The following PCDHA10 variants were observed in gnomAD, a reference collection of about 807,000 sequenced individuals.
PCDHA10 encodes protocadherin alpha-10.
In PCDHA10, 45 loss-of-function variants were observed where a neutral mutation model predicts 61.2. The observed-to-expected ratio is 0.74, with a 90% CI of 0.58 to 0.94. PCDHA10 has a LOEUF of 0.94. Among genes scored for constraint, PCDHA10 ranks in the 40% least tolerant of loss-of-function variants. The probability of loss-of-function intolerance (pLI) is 0.00; values close to 1 mark genes in which losing one functional copy is unlikely to be tolerated. For synonymous variants in PCDHA10, 602 were observed against 548.8 expected (o/e 1.10, Z -1.35); for missense variants, 1,278 against 1,236.2 (o/e 1.03, Z -0.51).
At chr5:140,860,209 G>A (rs1263350528) in intron 1 of PCDHA10, 13 of 147,554 alleles carry the variant, frequency 8.8e-5, no homozygotes, top group Middle Eastern at 7.1e-3. Context: ...ATCTATATAT[G>A]TACTTATGTA....
At chr5:140,918,115 A>G (rs185486488) in intron 1 of PCDHA10, among the ~76,000 whole-genome samples, 14 of 152,198 alleles carry the variant, frequency 9.2e-5, no homozygotes, top group African/African-American at 3.1e-4. Flanking sequence ...CACATCCTTG[A>G]TTAGCCATAT....
chr5:140,957,159 C>G (rs2095337596), intron 1 of PCDHA10, among the ~76,000 whole-genome samples: 1 of 151,974 alleles, frequency 6.6e-6, no homozygotes, highest in Non-Finnish European at 1.5e-5. Flanking sequence ...GGAGACAAAT[C>G]TAAGTATATA....
intron 1 of PCDHA10, chr5:140,876,741 G>C: frequency 6.2e-7 from 1 of 1,614,264 alleles, no homozygotes; most frequent in Non-Finnish European, 8.5e-7. Flanking sequence ...CCTATGAGCT[G>C]GTGGTGACTG....
chr5:140,875,485 G>A (rs367652529), intron 1 of PCDHA10: 13 of 1,611,424 alleles, frequency 8.1e-6, no homozygotes, highest in African/African-American at 1.3e-5. Context: ...GGTGATTATC[G>A]GACCAAGAGG....
chr5:141,005,814 A>G (rs947359019), intron 3 of PCDHA10, among the ~76,000 whole-genome samples: 1 of 149,766 alleles, frequency 6.7e-6, no homozygotes, highest in Non-Finnish European at 1.5e-5. Context: ...GGAGCCAGGT[A>G]TGGTGGCCTG....
At chr5:140,863,350 A>G (rs781880705) in intron 1 of PCDHA10, 2 of 1,296,828 alleles carry the variant, frequency 1.5e-6, no homozygotes, top group Non-Finnish European at 2.1e-6. Flanking sequence ...GCTGTACACG[A>G]CGCTGCGGTG....
At chr5:141,000,415 A>T (rs1462372394) in intron 3 of PCDHA10, among the ~76,000 whole-genome samples, 8 of 87,370 alleles carry the variant, frequency 9.2e-5, no homozygotes, top group African/African-American at 2.5e-4. Flanking sequence ...ATATATATAT[A>T]TATATATTTT....
At position 140,856,768 on chromosome 5, in the gene PCDHA10, C is replaced by T; in HGVS notation, c.720C>T (p.Ile240=). 6.3e-7 allele frequency: 1 copy of T among 1,596,818 alleles called. No individual in the cohort carries two copies. Among genetic ancestry groups the T allele is most frequent in the African/African-American group, 1.3e-5 (1 of 74,248 alleles). Residue 240 remains isoleucine, a synonymous_variant, in exon 1 of 4, where the codon ATC becomes ATT. Coordinates refer to ENST00000307360, the MANE Select transcript of PCDHA10 (RefSeq NM_018901.4). The part of the protein sequence containing the change: ...LVLDANDNAP[I]FDRPVYEVKM... ...TAGATGCCAATGATAACGCCCCTAT[C>T]TTTGACAGACCGGTTTATGAAGTTA...
chr5:140,997,221 T>C (rs2097763900), intron 3 of PCDHA10, among the ~76,000 whole-genome samples: 1 of 152,152 alleles, frequency 6.6e-6, no homozygotes, highest in Admixed American at 6.5e-5. Context: ...GAAACTATCA[T>C]TACCACCCAA....
intron 1 of PCDHA10, chr5:140,929,005 A>G: frequency 6.2e-7 from 1 of 1,614,062 alleles, no homozygotes; most frequent in Non-Finnish European, 8.5e-7. Context: ...CTTCGTGTGT[A>G]CCAAGTTGCA....
intron 3 of PCDHA10, among the ~76,000 whole-genome samples, chr5:140,984,647 G>C (rs1169327185): frequency 6.6e-6 from 1 of 152,102 alleles, no homozygotes; most frequent in Non-Finnish European, 1.5e-5. Flanking sequence ...CCTTCTCCCT[G>C]TCCTTCTGGT....
chr5:140,882,024 G>A lies in PCDHA10; in HGVS notation c.2388+23588G>A, dbSNP rs4151690. On this transcript the variant is annotated intron_variant, in intron 1 of 3. Transcript: ENST00000307360. ...AGGGGCAAAAAAATACTACATCAAT[G>A]GAAAATATGAAGACTGAGTCATACT... is the stretch of plus-strand genomic sequence containing the variant. 118 of 580,388 alleles carry A rather than the reference G, an allele frequency of 2.0e-4. 2 individuals carry two copies. The highest frequency in any genetic ancestry group is 1.6e-3 in the East Asian group (53 of 32,696). The allele number at this position is 580,388 out of a possible 1,614,324, so 36.0% of individuals were successfully genotyped here. A position where few individuals can be genotyped will look rare whatever the true frequency, so the allele number is the denominator to read the frequency against.
intron 1 of PCDHA10, among the ~76,000 whole-genome samples, chr5:140,950,864 A>G (rs1014752748): frequency 1.3e-5 from 2 of 151,930 alleles, no homozygotes; most frequent in Non-Finnish European, 2.9e-5. Context: ...ATTCTTGTAT[A>G]TTCTATATTG....
At chr5:140,924,901 A>AATAAAATAAAAT (rs145282866) in intron 1 of PCDHA10, among the ~76,000 whole-genome samples, 7 of 80,504 alleles carry the variant, frequency 8.7e-5, no homozygotes, top group Middle Eastern at 6.1e-3. Context: ...TCTCAAAAAA[A>AATAAAATAAAAT]AAAATAAAAT....
rs140058365 is a variant in PCDHA10 at position 140,928,379 on chromosome 5, G to A, written c.2389-50570G>A. 5.7e-4 allele frequency: 913 copies of A among 1,614,172 alleles called. 5 individuals are homozygous for A. The African/African-American group carries it at 0.01, about 18-fold the overall frequency. On this transcript the variant is annotated intron_variant, in intron 1 of 3. Transcript: ENST00000307360. ...ATCTCTGAAGGGCCATCAGCCTCTA[G>A]CTTGCTGGCAGTGGAATCATCCAGT...
chr5:140,929,185 GATA>G (rs1393626283), intron 1 of PCDHA10: 12 of 1,614,168 alleles, frequency 7.4e-6, no homozygotes, highest in Non-Finnish European at 1.0e-5. Flanking sequence ...ACTTGGTTCT[GATA>G]ATAACAGTTT....
intron 1 of PCDHA10, among the ~76,000 whole-genome samples, chr5:140,886,962 G>A (rs1017446014): frequency 6.6e-6 from 1 of 151,842 alleles, no homozygotes; most frequent in African/African-American, 2.4e-5. Context: ...ATTTAGCAAC[G>A]AAATTTATTA....
chr5:140,944,206 T>C (rs1291391135), intron 1 of PCDHA10, among the ~76,000 whole-genome samples: 1 of 152,156 alleles, frequency 6.6e-6, no homozygotes, highest in Non-Finnish European at 1.5e-5. Context: ...GTTTTGTTTT[T>C]AAAGAGGGTT....
intron 1 of PCDHA10, among the ~76,000 whole-genome samples, chr5:140,887,248 C>T (rs1232310514): frequency 6.6e-6 from 1 of 152,046 alleles, no homozygotes; most frequent in Non-Finnish European, 1.5e-5. Flanking sequence ...CGGCGCCCGC[C>T]ACCACGCCCT....
Sources: gnomAD v4.1 joint callset for allele counts (sites outside exome capture counted in the v4.1 genomes callset) on GRCh38, gnomAD v4.1.1 for gene constraint, MANE v1.5 for transcripts, NCBI Gene and HGNC (gene_info 2026-07-23, HGNC 2026-07-21) for gene names.